NRXN1: variants seen among roughly 807,000 people sequenced by gnomAD.
NRXN1 encodes neurexin 1.
Under a neutral mutation model 150.9 loss-of-function variants are expected in NRXN1, and 39 were observed. The observed-to-expected ratio is 0.26, with a 90% CI of 0.20 to 0.34. The LOEUF is 0.34. Among genes scored for constraint, NRXN1 ranks in the 10% least tolerant of loss-of-function variants. NRXN1 has a pLI of 1.00. For missense variants in NRXN1, 1,815 were observed against 1,949.9 expected, an observed-to-expected ratio of 0.93 and a Z score of 1.30; for synonymous variants, 924 against 757.0, an observed-to-expected ratio of 1.22 and a Z score of -3.62.
intron 18 of NRXN1, among the ~76,000 whole-genome samples, chr2:50,222,705 T>C (rs1414595153): frequency 6.6e-6 from 1 of 151,910 alleles, no homozygotes; most frequent in Non-Finnish European, 1.5e-5. Flanking sequence ...TCATATGCTC[T>C]AAAATGAAAA....
intron 17 of NRXN1, among the ~76,000 whole-genome samples, chr2:50,266,703 C>T (rs1384805387): frequency 6.6e-6 from 1 of 151,948 alleles, no homozygotes; most frequent in Non-Finnish European, 1.5e-5. Context: ...ACCCTGTCTA[C>T]TTTCCAGCTT....
At chr2:50,058,228 C>A (rs1453414216) in intron 19 of NRXN1, among the ~76,000 whole-genome samples, 2 of 151,986 alleles carry the variant, frequency 1.3e-5, no homozygotes, top group Non-Finnish European at 2.9e-5. Flanking sequence ...ACACTGAATT[C>A]CCAATGATTA....
intron 5 of NRXN1, among the ~76,000 whole-genome samples, chr2:50,752,558 C>A (rs1462109507): frequency 6.6e-6 from 1 of 151,842 alleles, no homozygotes; most frequent in African/African-American, 2.4e-5. Context: ...TCAGAATTCC[C>A]ATCCTTACCC....
At chr2:50,982,434 T>C (rs1308728227) in intron 2 of NRXN1, among the ~76,000 whole-genome samples, 1 of 152,136 alleles carries the variant, frequency 6.6e-6, no homozygotes, top group Non-Finnish European at 1.5e-5. Flanking sequence ...GTACACTGAA[T>C]ACATGCTCTG....
chr2:50,993,203 T>C (rs1403225992), intron 2 of NRXN1, among the ~76,000 whole-genome samples: 1 of 151,902 alleles, frequency 6.6e-6, no homozygotes, highest in African/African-American at 2.4e-5. Flanking sequence ...AAGGTAGTCA[T>C]TCAATATTTA....
chr2:50,933,484 T>C (rs1163509925), intron 2 of NRXN1, among the ~76,000 whole-genome samples: 1 of 152,098 alleles, frequency 6.6e-6, no homozygotes, highest in Non-Finnish European at 1.5e-5. Context: ...AACTAAATAC[T>C]ATACAAACTG....
intron 8 of NRXN1, among the ~76,000 whole-genome samples, chr2:50,576,784 C>T (rs912875777): frequency 5.9e-5 from 9 of 152,006 alleles, no homozygotes; most frequent in African/African-American, 2.2e-4. Context: ...TATATTTCTC[C>T]TAAAAGATGG....
At chr2:50,318,928 G>A (rs1043700083) in intron 17 of NRXN1, among the ~76,000 whole-genome samples, 1 of 151,974 alleles carries the variant, frequency 6.6e-6, no homozygotes, top group African/African-American at 2.4e-5. Flanking sequence ...AGACACACAT[G>A]AATTATATAA....
intron 5 of NRXN1, among the ~76,000 whole-genome samples, chr2:50,734,836 T>C (rs560147395): frequency 7.9e-5 from 12 of 152,232 alleles, no homozygotes; most frequent in African/African-American, 2.6e-4. Context: ...TACTAAATTA[T>C]TGCAAATAAA....
intron 18 of NRXN1, among the ~76,000 whole-genome samples, chr2:50,163,279 G>T (rs1450256309): frequency 6.6e-6 from 1 of 151,498 alleles, no homozygotes; most frequent in Non-Finnish European, 1.5e-5. Flanking sequence ...ATGATACACG[G>T]TTGAAGGTAA....
chr2:50,696,019 T>C (rs576038056), intron 5 of NRXN1, among the ~76,000 whole-genome samples: 15 of 152,132 alleles, frequency 9.9e-5, no homozygotes, highest in African/African-American at 3.6e-4. Context: ...ATTTTTGTAT[T>C]TTTAGCAGAG....
At chr2:50,760,553 C>T (rs1158887507) in intron 5 of NRXN1, among the ~76,000 whole-genome samples, 1 of 151,838 alleles carries the variant, frequency 6.6e-6, no homozygotes, top group East Asian at 1.9e-4. Context: ...TCAATATCGC[C>T]TTTTCTACTG....
intron 5 of NRXN1, chr2:50,656,415 A>T (rs1158087312): frequency 1.3e-6 from 1 of 775,468 alleles, no homozygotes; most frequent in African/African-American, 1.7e-5. Context: ...AGTCACAAAT[A>T]GGAGTTTATA....
chr2:50,565,522 T>A (rs1484283091), intron 8 of NRXN1, among the ~76,000 whole-genome samples: 2 of 152,186 alleles, frequency 1.3e-5, no homozygotes, highest in Non-Finnish European at 2.9e-5. Context: ...TTACCAGATT[T>A]ATTTACTCTG....
intron 17 of NRXN1, among the ~76,000 whole-genome samples, chr2:50,381,229 GA>G (rs5831118): frequency 6.0e-5 from 9 of 150,976 alleles, no homozygotes; most frequent in South Asian, 4.2e-4. Flanking sequence ...TACTTATGAG[GA>G]AAAAAAAATT....
intron 17 of NRXN1, among the ~76,000 whole-genome samples, chr2:50,238,965 C>G (rs1459063444): frequency 6.6e-6 from 1 of 151,912 alleles, no homozygotes; most frequent in East Asian, 1.9e-4. Flanking sequence ...TTATCTCTTT[C>G]AAGAGAGAAA....
intron 18 of NRXN1, among the ~76,000 whole-genome samples, chr2:50,199,832 A>G (rs2062035725): frequency 6.6e-6 from 1 of 152,190 alleles, no homozygotes; most frequent in South Asian, 2.1e-4. Context: ...GCAAGGCTGC[A>G]TGAAATACAA....
chr2:50,268,746 TCC>T (rs1287489949), intron 17 of NRXN1, among the ~76,000 whole-genome samples: 2 of 152,192 alleles, frequency 1.3e-5, no homozygotes, highest in Admixed American at 1.3e-4. Flanking sequence ...TTGTCTTACC[TCC>T]CAATTAATCT....
At chr2:50,431,595 A>G (rs1438781146) in intron 17 of NRXN1, among the ~76,000 whole-genome samples, 2 of 152,192 alleles carry the variant, frequency 1.3e-5, no homozygotes, top group African/African-American at 4.8e-5. Flanking sequence ...AAACCAAAAG[A>G]ATATTAACAT....
Sources: gnomAD v4.1 joint callset for allele counts (sites outside exome capture counted in the v4.1 genomes callset) on GRCh38, gnomAD v4.1.1 for gene constraint, MANE v1.5 for transcripts, NCBI Gene and HGNC (gene_info 2026-07-23, HGNC 2026-07-21) for gene names.